Variants in NCKAP5 observed in about 807,000 individuals in gnomAD.
The protein encoded by NCKAP5 is NCK associated protein 5.
NCKAP5 carries 92 observed loss-of-function variants against 167.0 expected under a neutral mutation model. That is an observed-to-expected ratio of 0.55 (90% CI 0.47 to 0.66). NCKAP5 has a LOEUF of 0.66. Ranked by LOEUF, NCKAP5 falls within the 30% of genes least tolerant of loss-of-function variation. The pLI, the probability that NCKAP5 is intolerant of heterozygous loss-of-function variation, is 0.00. For missense variants in NCKAP5, 2,378 were observed against 2,315.0 expected (o/e 1.03, Z -0.56); for synonymous variants, 891 against 877.4 (o/e 1.02, Z -0.27).
At chr2:132,866,852 G>A (rs1391999931) in intron 10 of NCKAP5, among the ~76,000 whole-genome samples, 1 of 152,020 alleles carries the variant, frequency 6.6e-6, no homozygotes, top group South Asian at 2.1e-4. Flanking sequence ...TGCATTTGGA[G>A]TACACTGTAT....
chr2:133,479,698 A>T (rs1318547505), intron 3 of NCKAP5, among the ~76,000 whole-genome samples: 1 of 152,182 alleles, frequency 6.6e-6, no homozygotes, highest in African/African-American at 2.4e-5. Flanking sequence ...AGTGAAAATC[A>T]GTTGTCTTTC....
intron 11 of NCKAP5, among the ~76,000 whole-genome samples, chr2:132,809,690 G>T (rs1239254350): frequency 6.6e-6 from 1 of 152,110 alleles, no homozygotes; most frequent in Non-Finnish European, 1.5e-5. Flanking sequence ...GCAGCAGATG[G>T]TTGGTTCATG....
chr2:133,390,329 T>G (rs1198593049), intron 3 of NCKAP5, among the ~76,000 whole-genome samples: 2 of 152,206 alleles, frequency 1.3e-5, no homozygotes, highest in Non-Finnish European at 2.9e-5. Flanking sequence ...CAGCCAGTGA[T>G]GACTAGCTCC....
chr2:133,144,908 C>T (rs1465844697), intron 5 of NCKAP5, among the ~76,000 whole-genome samples: 1 of 152,024 alleles, frequency 6.6e-6, no homozygotes, highest in Non-Finnish European at 1.5e-5. Context: ...CAACAACTTA[C>T]AAAGGGTCTA....
At chr2:133,052,966 C>A (rs775611809) in intron 6 of NCKAP5, among the ~76,000 whole-genome samples, 9 of 151,992 alleles carry the variant, frequency 5.9e-5, no homozygotes, top group Non-Finnish European at 1.0e-4. Context: ...TAAAAAAATA[C>A]TCCTAATGTT....
intron 8 of NCKAP5, among the ~76,000 whole-genome samples, chr2:132,904,314 TAATA>T (rs1161155125): frequency 6.8e-6 from 1 of 147,382 alleles, no homozygotes; most frequent in Non-Finnish European, 1.5e-5. Context: ...ATTAAATAAA[TAATA>T]AATAAAAATA....
the NCKAP5 span, among the ~76,000 whole-genome samples, chr2:133,658,199 T>A: frequency 2.0e-5 from 3 of 151,728 alleles, no homozygotes; most frequent in East Asian, 1.9e-4. Context: ...TACTTAAGGT[T>A]AGAAATGGGC....
chr2:133,441,045 AAC>A (rs1690816729), intron 3 of NCKAP5, among the ~76,000 whole-genome samples: 2 of 151,896 alleles, frequency 1.3e-5, no homozygotes, highest in African/African-American at 2.4e-5. Context: ...CATATTAGAA[AAC>A]ACAGGATTAT....
At chr2:132,677,273 A>C (rs1684611755) in intron 19 of NCKAP5, among the ~76,000 whole-genome samples, 1 of 152,118 alleles carries the variant, frequency 6.6e-6, no homozygotes, top group Non-Finnish European at 1.5e-5. Flanking sequence ...ATGCAAATAC[A>C]TTTTCAAGCT....
chr2:132,760,660 C>T (rs1472664605), intron 16 of NCKAP5, among the ~76,000 whole-genome samples: 3 of 152,012 alleles, frequency 2.0e-5, no homozygotes, highest in Non-Finnish European at 4.4e-5. Flanking sequence ...TTACCTGGAA[C>T]TTCATTTGTA....
intron 6 of NCKAP5, among the ~76,000 whole-genome samples, chr2:133,059,701 G>GAAA (rs1292206508): frequency 5.3e-5 from 8 of 150,386 alleles, no homozygotes; most frequent in African/African-American, 2.0e-4. Context: ...AAAAGAAAAA[G>GAAA]AAAAAAAAGG....
At chr2:133,108,802 C>G (rs1253117622) in intron 6 of NCKAP5, among the ~76,000 whole-genome samples, 1 of 152,188 alleles carries the variant, frequency 6.6e-6, no homozygotes, top group Non-Finnish European at 1.5e-5. Context: ...CTTTCTGTGT[C>G]TGGATTATTT....
chr2:132,734,603 G>A (rs545314540), intron 16 of NCKAP5, among the ~76,000 whole-genome samples: 3 of 152,270 alleles, frequency 2.0e-5, no homozygotes, highest in Admixed American at 6.5e-5. Flanking sequence ...GAGAAGACGC[G>A]TCATCAAAAG....
chr2:132,821,572 T>C (rs933082555), intron 11 of NCKAP5, among the ~76,000 whole-genome samples: 23 of 152,098 alleles, frequency 1.5e-4, no homozygotes, highest in African/African-American at 5.6e-4. Flanking sequence ...CTGTTGTGGA[T>C]AGGAGTGAGC....
chr2:132,842,582 T>G (rs1233760841), intron 11 of NCKAP5, among the ~76,000 whole-genome samples: 1 of 152,088 alleles, frequency 6.6e-6, no homozygotes, highest in Non-Finnish European at 1.5e-5. Context: ...AGACAGGGTC[T>G]CACCCTGTCA....
At chr2:133,327,486 T>A (rs1459687861) in intron 3 of NCKAP5, among the ~76,000 whole-genome samples, 2 of 152,168 alleles carry the variant, frequency 1.3e-5, no homozygotes, top group Admixed American at 1.3e-4. Flanking sequence ...AAATGCAGAT[T>A]CCTGGCCCTG....
chr2:133,598,045 G>C, the NCKAP5 span, among the ~76,000 whole-genome samples: 15 of 152,288 alleles, frequency 9.8e-5, no homozygotes, highest in African/African-American at 3.6e-4. Flanking sequence ...AAACTTGGGA[G>C]CCAGACATTG....
chr2:133,461,841 C>T (rs1366815211), intron 3 of NCKAP5, among the ~76,000 whole-genome samples: 3 of 152,174 alleles, frequency 2.0e-5, no homozygotes, highest in Non-Finnish European at 4.4e-5. Context: ...CCCATCACAA[C>T]ATGAAACGTG....
At chr2:133,061,709 T>C (rs2080008166) in intron 6 of NCKAP5, among the ~76,000 whole-genome samples, 1 of 152,068 alleles carries the variant, frequency 6.6e-6, no homozygotes, top group Non-Finnish European at 1.5e-5. Context: ...AAAATAAAAA[T>C]GGAGGGGAGA....
Sources: allele counts gnomAD v4.1 joint callset (sites outside exome capture counted in the v4.1 genomes callset), GRCh38; gene constraint gnomAD v4.1.1; transcripts MANE v1.5; gene names NCBI Gene and HGNC (gene_info 2026-07-23, HGNC 2026-07-21).